Variants in MAP3K21 observed in about 807,000 individuals in gnomAD.
The protein encoded by MAP3K21 is mitogen-activated protein kinase kinase kinase 21.
MAP3K21 carries 63 observed loss-of-function variants against 86.1 expected under a neutral mutation model. The observed-to-expected ratio is 0.73, with a 90% CI of 0.60 to 0.90. The LOEUF is 0.90. Ranked by LOEUF, MAP3K21 falls within the 40% of genes least tolerant of loss-of-function variation. MAP3K21 has a pLI of 0.00. For missense variants in MAP3K21, 1,220 were observed against 1,367.7 expected (o/e 0.89, Z 1.70); for synonymous variants, 558 against 564.8 (o/e 0.99, Z 0.17).
chr1:233,341,809 G>C (rs1663044083), intron 1 of MAP3K21, among the ~76,000 whole-genome samples: 1 of 152,092 alleles, frequency 6.6e-6, no homozygotes, highest in Non-Finnish European at 1.5e-5. Context: ...CCTGCCTGGA[G>C]GTTTGTAAGA....
At chr1:233,344,633 A>G (rs1489241879) in intron 1 of MAP3K21, among the ~76,000 whole-genome samples, 1 of 152,230 alleles carries the variant, frequency 6.6e-6, no homozygotes, top group Non-Finnish European at 1.5e-5. Context: ...AAACCCTAGA[A>G]GAAAACCTAG....
intron 1 of MAP3K21, among the ~76,000 whole-genome samples, chr1:233,337,305 G>C (rs1662935594): frequency 1.3e-5 from 2 of 152,206 alleles, no homozygotes; most frequent in African/African-American, 4.8e-5. Context: ...GATTTAGCCT[G>C]TGGGCTCTAG....
At chr1:233,339,675 G>C (rs1388091655) in intron 1 of MAP3K21, among the ~76,000 whole-genome samples, 2 of 151,832 alleles carry the variant, frequency 1.3e-5, no homozygotes, top group Non-Finnish European at 2.9e-5. Context: ...GTAGGGGTTG[G>C]TTCTCACTGT....
intron 1 of MAP3K21, among the ~76,000 whole-genome samples, chr1:233,339,251 T>TC (rs1662974211): frequency 2.8e-5 from 2 of 70,222 alleles, no homozygotes; most frequent in Non-Finnish European, 5.6e-5. Context: ...TTCTTCTTCT[T>TC]CTTCTTCTTC....
At chr1:233,374,101 A>G (rs1315777278) in intron 6 of MAP3K21, 3 of 152,060 alleles carry the variant, frequency 2.0e-5, no homozygotes, top group Admixed American at 2.0e-4. Context: ...CTGTCATTCT[A>G]CTGTAAAACT....
At chr1:233,365,042 G>T (rs1663547722) in intron 5 of MAP3K21, among the ~76,000 whole-genome samples, 1 of 152,120 alleles carries the variant, frequency 6.6e-6, no homozygotes. Context: ...AAAGGGAAAT[G>T]ATAACTATAA....
intron 8 of MAP3K21, among the ~76,000 whole-genome samples, chr1:233,377,850 C>T (rs988826942): frequency 6.6e-6 from 1 of 152,270 alleles, no homozygotes; most frequent in East Asian, 1.9e-4. Flanking sequence ...TGATGGGAGA[C>T]AGCAACAGAT....
At chr1:233,339,396 C>T (rs1662990501) in intron 1 of MAP3K21, among the ~76,000 whole-genome samples, 1 of 101,946 alleles carries the variant, frequency 9.8e-6, no homozygotes, top group African/African-American at 4.1e-5. Flanking sequence ...TCTTCTCCTC[C>T]TTCTCCTCCT....
chr1:233,382,639 G>A lies in MAP3K21; in HGVS notation c.3039G>A (p.Val1013=). 1 of 1,614,156 alleles carries A rather than the reference G, an allele frequency of 6.2e-7. No individual in the cohort carries two copies. The highest frequency in any genetic ancestry group is 8.5e-7 in the Non-Finnish European group (1 of 1,180,006). Residue 1013 remains valine (V), a synonymous_variant, in exon 10 of 10, where the codon GTG becomes GTA. Transcript: ENST00000366624. The part of the protein sequence containing the change: ...DVEGQSRDYT[V]PLCRMRSKTS... ...AAGGTCAGAGCAGGGACTACACTGT[G>A]CCACTGTGCAGAATGAGGAGCAAAA...
Position 233,382,476 on chromosome 1 carries a change from C to G in MAP3K21, c.2876C>G (p.Ala959Gly). The G allele has an allele frequency of 2.5e-6, 4 of 1,614,220 alleles. No homozygotes were observed. Among genetic ancestry groups the G allele is most frequent in the Non-Finnish European group, 3.4e-6 (4 of 1,180,040 alleles). The change falls in exon 10 of 10, where the codon GCT (alanine) becomes GGT (glycine). Residue 959 changes from alanine to glycine, a missense_variant. Around this residue, in one of 5 missense-constraint regions of MAP3K21, gnomAD observed 632 missense variants for 691.3 expected, o/e 0.91. Coordinates refer to ENST00000366624, the MANE Select transcript of MAP3K21 (RefSeq NM_032435.3). ...SLRSRSDLPQAYPQTAVSQLA... is the reference protein window; with the variant it reads ...SLRSRSDLPQGYPQTAVSQLA... Reference sequence around the variant, plus strand: ...AGAAGCCGCTCAGATCTGCCTCAGGCTTACCCACAGACAGCAGTGTCTCAG... The same window carrying G: ...AGAAGCCGCTCAGATCTGCCTCAGGGTTACCCACAGACAGCAGTGTCTCAG...
intron 4 of MAP3K21, 110 bp downstream of exon 4, chr1:233,355,121 A>T: frequency 2.6e-6 from 2 of 768,276 alleles, no homozygotes; most frequent in Non-Finnish European, 4.0e-6. Flanking sequence ...AGATATCAAT[A>T]TTTGTTGATT....
At chr1:233,373,167 G>C (rs546208656) in intron 6 of MAP3K21, 7 of 152,152 alleles carry the variant, frequency 4.6e-5, no homozygotes, top group Non-Finnish European at 8.8e-5. Context: ...TTGGTTTTCT[G>C]AGAATGCATT....
At chr1:233,378,549 G>A (rs1663842071) in intron 8 of MAP3K21, among the ~76,000 whole-genome samples, 1 of 152,236 alleles carries the variant, frequency 6.6e-6, no homozygotes, top group Non-Finnish European at 1.5e-5. Context: ...CCTGATGCAT[G>A]TATTTAGGTG....
In MAP3K21 at chr1:233,376,029, TC is replaced by T; in HGVS notation, c.1791del (p.Ile598PhefsTer3). The T allele has an allele frequency of 6.2e-7, 1 of 1,608,802 alleles. No homozygotes were observed. The highest frequency in any genetic ancestry group is 8.5e-7 in the Non-Finnish European group (1 of 1,178,696). Reference sequence around the variant, plus strand: ...AAAAGGTTGTACCTGGGGACCAAATTCCATTCAAATGAAAGATAGAACAGAT... The same window carrying T: ...AAAAGGTTGTACCTGGGGACCAAATTCATTCAAATGAAAGATAGAACAGAT... ...KKKGCTWGPN[S>X]IQMKDRTDCK... On this transcript the variant is annotated frameshift_variant, in exon 7 of 10. Transcript: ENST00000366624. LOFTEE classifies it high-confidence loss of function.
intron 8 of MAP3K21, 94 bp downstream of exon 8, chr1:233,376,621 A>G (rs1242049770): frequency 3.9e-6 from 3 of 762,794 alleles, no homozygotes; most frequent in African/African-American, 1.8e-5. Flanking sequence ...TGGTCATTAA[A>G]GTAGCAGAGG....
chr1:233,357,424 AAAAT>A (rs1013424547), intron 4 of MAP3K21, among the ~76,000 whole-genome samples: 2 of 152,070 alleles, frequency 1.3e-5, no homozygotes, highest in African/African-American at 2.4e-5. Context: ...AGAAAAAATA[AAAAT>A]AAAAATAAAA....
rs375996435 is a variant in MAP3K21, at chr1:233,372,187, C to G, written c.1675+27C>G. 7.8e-5 allele frequency: 126 copies of G among 1,611,524 alleles called. 1 individual carries two copies. In the East Asian group the frequency reaches 2.7e-3, roughly 34 times the overall value. ...TGAGCTTTCTGCACTGCCACGGGGG[C>G]TCCTGTGTTGACTTCTCTCCTTTCA... On this transcript the variant is annotated intron_variant, in intron 6 of 9. Coordinates refer to ENST00000366624, the MANE Select transcript of MAP3K21 (RefSeq NM_032435.3).
chr1:233,329,144 A>T (rs952470221), intron 1 of MAP3K21, among the ~76,000 whole-genome samples: 2 of 152,102 alleles, frequency 1.3e-5, no homozygotes, highest in African/African-American at 2.4e-5. Flanking sequence ...TGGCCTTTCA[A>T]TACCAGAGGT....
At chr1:233,364,794 A>G (rs1313394383) in intron 5 of MAP3K21, among the ~76,000 whole-genome samples, 1 of 152,236 alleles carries the variant, frequency 6.6e-6, no homozygotes, top group Non-Finnish European at 1.5e-5. Flanking sequence ...CAGTTAAAAC[A>G]TAACCAAGAA....
Sources: allele counts gnomAD v4.1 joint callset (sites outside exome capture counted in the v4.1 genomes callset), GRCh38; gene constraint gnomAD v4.1.1; regional missense constraint gnomAD v4.1.1; transcripts MANE v1.5; gene names NCBI Gene and HGNC (gene_info 2026-07-23, HGNC 2026-07-21).